The following TESC variants were observed in gnomAD, a reference collection of about 807,000 sequenced individuals.
TESC encodes the protein tescalcin.
Under a neutral mutation model 31.0 loss-of-function variants are expected in TESC, and 19 were observed. The observed-to-expected ratio is 0.61, with a 90% CI of 0.43 to 0.90. The LOEUF (loss-of-function observed/expected upper bound fraction) is 0.90. TESC is among the 40% of genes least tolerant of loss of function. The pLI, the probability that TESC is intolerant of heterozygous loss-of-function variation, is 0.00. For missense variants in TESC, 248 were observed against 303.8 expected, an observed-to-expected ratio of 0.82 and a Z score of 1.36; for synonymous variants, 109 against 114.8, an observed-to-expected ratio of 0.95 and a Z score of 0.32.
intron 1 of TESC, among the ~76,000 whole-genome samples, chr12:117,089,617 T>C (rs1242785889): frequency 6.6e-6 from 1 of 152,168 alleles, no homozygotes; most frequent in African/African-American, 2.4e-5. Context: ...GTCATTGCAA[T>C]TTTTTGAAAT....
intron 1 of TESC, among the ~76,000 whole-genome samples, chr12:117,080,098 C>T (rs966229416): frequency 1.1e-4 from 16 of 152,078 alleles, no homozygotes; most frequent in African/African-American, 3.9e-4. Context: ...TGCCCAAGGT[C>T]CCACAGCTAG....
rs552264747 is a variant in TESC at position 117,061,641 on chromosome 12, G to A, written c.129-4755C>T. Among the ~76,000 whole-genome samples, 6 of 151,898 alleles carry A rather than the reference G, an allele frequency of 4.0e-5. No individual in the cohort carries two copies. The East Asian group carries it at 5.8e-4, about 15-fold the overall frequency. Reference sequence around the variant, plus strand: ...GGGTGTGTAAATGGCTCTGAAGCCCGCTGCCTCTGCTCTCTCTCTCTCTCT... The same window carrying A: ...GGGTGTGTAAATGGCTCTGAAGCCCACTGCCTCTGCTCTCTCTCTCTCTCT... On this transcript the variant is annotated intron_variant, in intron 2 of 7. Coordinates refer to ENST00000335209, the MANE Select transcript of TESC (RefSeq NM_017899.4).
At chr12:117,071,515 C>T (rs948338803) in intron 2 of TESC, among the ~76,000 whole-genome samples, 2 of 152,212 alleles carry the variant, frequency 1.3e-5, no homozygotes, top group Non-Finnish European at 2.9e-5. Context: ...CCAGCATCTA[C>T]ACACCTGTGT....
rs2135740159 is a variant in TESC at position 117,038,928 on chromosome 12, T to C, written c.*205A>G. The C allele has an allele frequency of 5.4e-6, 3 of 558,974 alleles. No individual in the cohort carries two copies. In the South Asian group the frequency reaches 7.8e-5, roughly 15 times the overall value. 34.6% of individuals were successfully genotyped at this position (558,974 alleles called of 1,614,324 possible). A position where few individuals can be genotyped will look rare whatever the true frequency, so the allele number is the denominator to read the frequency against. On this transcript the variant is annotated 3_prime_UTR_variant, in exon 8 of 8. Coordinates refer to ENST00000335209, the MANE Select transcript of TESC (RefSeq NM_017899.4). ...AGGAACTGACAGAGGCCACATTAAT[T>C]AACAAACCTTTTTTTTTTTTTTATT...
At chr12:117,067,502 T>G (rs1010670936) in intron 2 of TESC, among the ~76,000 whole-genome samples, 2 of 151,650 alleles carry the variant, frequency 1.3e-5, no homozygotes, top group African/African-American at 4.9e-5. Context: ...AGCCCGGGAG[T>G]CGGAGGCTGC....
intron 2 of TESC, among the ~76,000 whole-genome samples, chr12:117,071,308 T>C (rs1207536922): frequency 6.6e-6 from 1 of 152,218 alleles, no homozygotes; most frequent in Non-Finnish European, 1.5e-5. Flanking sequence ...CTCAGCACTT[T>C]GGCCAAGGAA....
chr12:117,082,538 C>A (rs888541350), intron 1 of TESC, among the ~76,000 whole-genome samples: 1 of 151,620 alleles, frequency 6.6e-6, no homozygotes, highest in South Asian at 2.1e-4. Flanking sequence ...AAATACTGAG[C>A]CACAGAAAAT....
chr12:117,057,408 T>C (rs1954740839), intron 2 of TESC, among the ~76,000 whole-genome samples: 1 of 152,236 alleles, frequency 6.6e-6, no homozygotes, highest in Non-Finnish European at 1.5e-5. Context: ...CTTGAGATAT[T>C]TTTGAGAATC....
chr12:117,056,041 C>T (rs2135759628), intron 3 of TESC, among the ~76,000 whole-genome samples: 1 of 152,006 alleles, frequency 6.6e-6, no homozygotes, highest in African/African-American at 2.4e-5. Context: ...CTGCCTCAGC[C>T]TTCTGAGTAG....
intron 2 of TESC, among the ~76,000 whole-genome samples, chr12:117,063,447 A>ACTGTGCTG (rs1954826647): frequency 6.6e-6 from 1 of 152,122 alleles, no homozygotes; most frequent in Admixed American, 6.5e-5. Context: ...ACCACCGAGG[A>ACTGTGCTG]CTGTGCTGGG....
intron 2 of TESC, among the ~76,000 whole-genome samples, chr12:117,057,898 C>T (rs1954748274): frequency 2.0e-5 from 3 of 152,048 alleles, no homozygotes; most frequent in Admixed American, 2.0e-4. Flanking sequence ...CTGATAGATG[C>T]TACAACACAA....
chr12:117,049,453 G>A (rs1954615769), intron 3 of TESC, among the ~76,000 whole-genome samples: 1 of 152,204 alleles, frequency 6.6e-6, no homozygotes. Context: ...GTGGGTGTGT[G>A]ATGGTGCACA....
chr12:117,099,078 A>G, intron 1 of TESC, 147 bp downstream of exon 1: 1 of 799,200 alleles, frequency 1.3e-6, no homozygotes, highest in Non-Finnish European at 1.8e-6. Flanking sequence ...GCCAGCGGGG[A>G]CCCATTTGAA....
At chr12:117,058,160 C>T (rs1034436804) in intron 2 of TESC, among the ~76,000 whole-genome samples, 2 of 152,090 alleles carry the variant, frequency 1.3e-5, no homozygotes, top group African/African-American at 4.8e-5. Context: ...GTGGAGGTTG[C>T]AGTGAGCCAA....
rs369159231 is a variant in TESC at position 117,056,019 on chromosome 12, C to T, written c.209+787G>A. Among the ~76,000 whole-genome samples the T allele has an allele frequency of 4.0e-5, 6 of 149,378 alleles. No individual in the cohort carries two copies. In the South Asian group the frequency reaches 1.1e-3, roughly 26 times the overall value. On this transcript the variant is annotated intron_variant, in intron 3 of 7. Coordinates refer to ENST00000335209, the MANE Select transcript of TESC (RefSeq NM_017899.4). ...CACTGCAACGTCCGCCTCCCGGGTT[C>T]AAGAGATTCTCCTGCCTCAGCCTTC...
At chr12:117,084,985 C>T (rs1955197542) in intron 1 of TESC, among the ~76,000 whole-genome samples, 2 of 152,224 alleles carry the variant, frequency 1.3e-5, no homozygotes, top group African/African-American at 4.8e-5. Context: ...AAAAGCGCAG[C>T]CCCACTCTGC....
intron 6 of TESC, among the ~76,000 whole-genome samples, chr12:117,042,732 A>G (rs1015601249): frequency 2.0e-5 from 3 of 152,184 alleles, no homozygotes; most frequent in Non-Finnish European, 4.4e-5. Context: ...CAAGCCTCCA[A>G]AAACCTCACC....
At chr12:117,091,108 C>T (rs1955300325) in intron 1 of TESC, among the ~76,000 whole-genome samples, 1 of 152,222 alleles carries the variant, frequency 6.6e-6, no homozygotes, top group Non-Finnish European at 1.5e-5. Context: ...TCCTAGTGCT[C>T]CGTGGCCACC....
chr12:117,089,761 G>A (rs1955281079), intron 1 of TESC, among the ~76,000 whole-genome samples: 1 of 152,082 alleles, frequency 6.6e-6, no homozygotes, highest in Non-Finnish European at 1.5e-5. Context: ...CAGACAGAAT[G>A]AGATGAACCA....
Sources: gnomAD v4.1 joint callset for allele counts (sites outside exome capture counted in the v4.1 genomes callset) on GRCh38, gnomAD v4.1.1 for gene constraint, MANE v1.5 for transcripts, NCBI Gene and HGNC (gene_info 2026-07-23, HGNC 2026-07-21) for gene names.